Variants in VCF2 observed in about 807,000 individuals in gnomAD.
VCF2 encodes the protein VCP nuclear cofactor family member 2.
the VCF2 span, chrX:55,145,811 G>T: frequency 2.3e-6 from 2 of 880,542 alleles, no homozygotes; most frequent in Non-Finnish European, 2.8e-6. Flanking sequence ...ATGCACAGGA[G>T]AAGTTTCCTC....
the VCF2 span, among the ~76,000 whole-genome samples, chrX:55,155,476 T>C: frequency 8.9e-6 from 1 of 111,760 alleles, no homozygotes; most frequent in Non-Finnish European, 1.9e-5. Flanking sequence ...ATTGAGGAAA[T>C]GACAGAGACA....
At chrX:55,148,537 G>A in the VCF2 span, among the ~76,000 whole-genome samples, 2 of 110,245 alleles carry the variant, frequency 1.8e-5, no homozygotes, top group Non-Finnish European at 3.8e-5. Context: ...AATTTTATAT[G>A]AGAAAAAATC....
At chrX:55,152,474 G>C in the VCF2 span, among the ~76,000 whole-genome samples, 38 of 111,542 alleles carry the variant, frequency 3.4e-4, no homozygotes, top group African/African-American at 1.2e-3. Flanking sequence ...TACCCATCTA[G>C]AAACAAACCA....
the VCF2 span, chrX:55,146,192 G>C: frequency 8.3e-7 from 1 of 1,211,233 alleles, no homozygotes; most frequent in Non-Finnish European, 1.1e-6. Context: ...CCTCATGCAA[G>C]AACTGGGGAA....
chrX:55,146,084 T>C, the VCF2 span: 1 of 1,209,039 alleles, frequency 8.3e-7, no homozygotes, highest in East Asian at 3.0e-5. Flanking sequence ...TCCTAATTCA[T>C]CATGTTGGAG....
the VCF2 span, chrX:55,161,158 G>C: frequency 1.7e-6 from 2 of 1,207,218 alleles, no homozygotes; most frequent in Non-Finnish European, 2.2e-6. Flanking sequence ...GCCTCCCATA[G>C]TCCTGCCCTC....
At chrX:55,145,336 GAC>G in the VCF2 span, 1 of 749,827 alleles carries the variant, frequency 1.3e-6, no homozygotes, top group Non-Finnish European at 1.6e-6. Flanking sequence ...TTTCTTATCT[GAC>G]AGAATTGTGC....
the VCF2 span, among the ~76,000 whole-genome samples, chrX:55,153,044 G>A: frequency 8.9e-6 from 1 of 112,038 alleles, no homozygotes; most frequent in South Asian, 3.8e-4. Context: ...CTATGACCTG[G>A]AAGCCGCAGC....
the VCF2 span, chrX:55,146,345 T>TA: frequency 8.7e-7 from 1 of 1,144,045 alleles, no homozygotes; most frequent in African/African-American, 1.8e-5. Flanking sequence ...GGATTGCTAT[T>TA]ATGCTATTAC....
At chrX:55,157,705 C>T in the VCF2 span, among the ~76,000 whole-genome samples, 2 of 111,855 alleles carry the variant, frequency 1.8e-5, no homozygotes, top group Non-Finnish European at 3.8e-5. Flanking sequence ...TTCTGCTGCC[C>T]CCTTGGAATT....
chrX:55,158,275 T>C, the VCF2 span, among the ~76,000 whole-genome samples: 1 of 111,774 alleles, frequency 8.9e-6, no homozygotes, highest in Admixed American at 9.5e-5. Context: ...CCTTTAACAC[T>C]CCACTAGTAA....
At chrX:55,147,648 T>TG in the VCF2 span, among the ~76,000 whole-genome samples, 1 of 98,347 alleles carries the variant, frequency 1.0e-5, no homozygotes, top group Non-Finnish European at 2.1e-5. Flanking sequence ...TTTTTTTTTT[T>TG]TTTTTTTTTT....
the VCF2 span, chrX:55,145,479 T>C: frequency 1.3e-6 from 1 of 753,655 alleles, no homozygotes; most frequent in Non-Finnish European, 1.6e-6. Context: ...AGAGAGAGAT[T>C]TTCATGTTCA....
the VCF2 span, chrX:55,160,940 G>A: frequency 9.5e-6 from 11 of 1,163,714 alleles, no homozygotes; most frequent in Non-Finnish European, 1.1e-5. Context: ...GGGGCACGAG[G>A]CAAGCAGGGC....
the VCF2 span, among the ~76,000 whole-genome samples, chrX:55,153,186 C>T: frequency 9.0e-6 from 1 of 111,721 alleles, no homozygotes; most frequent in Admixed American, 9.4e-5. Flanking sequence ...GTCAGGACCT[C>T]CTGAGGCTGT....
chrX:55,159,267 C>T, the VCF2 span: 4 of 1,080,838 alleles, frequency 3.7e-6, no homozygotes, highest in Non-Finnish European at 5.1e-6. Context: ...TTACATGAAA[C>T]AACTGATCTT....
the VCF2 span, among the ~76,000 whole-genome samples, chrX:55,147,385 G>T: frequency 9.0e-6 from 1 of 111,028 alleles, no homozygotes; most frequent in East Asian, 2.8e-4. Context: ...CAGGAAAAGA[G>T]ATAGAAGGGG....
the VCF2 span, chrX:55,145,492 G>A: frequency 2.5e-5 from 19 of 752,490 alleles, no homozygotes; most frequent in South Asian, 8.8e-4. Context: ...CATGTTCATA[G>A]TCTAAACTGG....
the VCF2 span, among the ~76,000 whole-genome samples, chrX:55,146,508 G>T: frequency 8.9e-6 from 1 of 112,104 alleles, no homozygotes; most frequent in Admixed American, 9.5e-5. Context: ...TTTTACAGAT[G>T]AGGAAACAGA....
Sources: allele counts gnomAD v4.1 joint callset (sites outside exome capture counted in the v4.1 genomes callset), GRCh38; gene constraint gnomAD v4.1.1; transcripts MANE v1.5; gene names NCBI Gene and HGNC (gene_info 2026-07-23, HGNC 2026-07-21).